Variants in MTA2 observed in about 807,000 individuals in gnomAD.
MTA2 encodes the protein metastasis-associated protein MTA2.
MTA2 carries 22 observed loss-of-function variants against 87.1 expected under a neutral mutation model. The observed-to-expected ratio is 0.25, with a 90% CI of 0.18 to 0.36. MTA2 has a LOEUF of 0.36. MTA2 is among the 10% of genes least tolerant of loss of function. The pLI, the probability that MTA2 is intolerant of heterozygous loss-of-function variation, is 1.00. For missense variants in MTA2, 542 were observed against 853.2 expected (o/e 0.64, Z 4.54); for synonymous variants, 314 against 310.1 (o/e 1.01, Z -0.13).
Position 62,595,512 on chromosome 11 carries a change from A to G in MTA2, c.1255-20T>C, listed in dbSNP as rs1484216106. On this transcript the variant is annotated intron_variant, in intron 13 of 17. Transcript: ENST00000278823. The surrounding 1 kb of genome is among the most constrained non-coding windows in gnomAD (Gnocchi z 4.9). ...TGGCTCCTAGAAGAAGAGCATAGGA[A>G]AGAGAGAGAGCAGAAATCAGCACTG... 2.1e-5 allele frequency: 34 copies of G among 1,612,464 alleles called. No individual in the cohort carries two copies. The highest frequency in any genetic ancestry group is 1.0e-4 in the Admixed American group (6 of 59,932).
In MTA2 at chr11:62,600,642, G is replaced by A. The variant is rs145027661; in HGVS notation, c.76C>T (p.Arg26Trp). 1.2e-6 allele frequency: 2 copies of A among 1,613,996 alleles called. No individual in the cohort carries two copies. Among genetic ancestry groups the A allele is most frequent in the African/African-American group, 1.3e-5 (1 of 75,040 alleles). The change falls in exon 2 of 18, where the codon CGG (arginine) becomes TGG (tryptophan). Residue 26 changes from arginine to tryptophan, a missense_variant. Coordinates refer to ENST00000278823, the MANE Select transcript of MTA2 (RefSeq NM_004739.4). The part of the protein sequence containing the change: ...NSSSNPYLVR[R>W]IEELNKTANG... The stretch of plus-strand genomic sequence containing the variant: ...CTCACCTTGTTGAGCTCCTCAATCC[G>A]TCTAACCAGGTAAGGATTGCTGGAA...
intron 16 of MTA2, 48 bp from the exon 17 acceptor site, chr11:62,594,455 C>T (rs1739663196): frequency 1.2e-6 from 2 of 1,613,320 alleles, no homozygotes; most frequent in South Asian, 1.1e-5. Flanking sequence ...CCCTCTCAGA[C>T]TCCTATGAGA....
chr11:62,595,079 C>T lies in MTA2; in HGVS notation c.1484-9G>A. The T allele has an allele frequency of 6.2e-7, 1 of 1,613,574 alleles. No homozygotes were observed. Among genetic ancestry groups the T allele is most frequent in the Non-Finnish European group, 8.5e-7 (1 of 1,179,722 alleles). On this transcript the variant is annotated splice_polypyrimidine_tract_variant and intron_variant, in intron 14 of 17. Transcript: ENST00000278823. The surrounding 1 kb of genome is among the most constrained non-coding windows in gnomAD (Gnocchi z 4.9). ...AGGAAGTCGAATGGAGCCTGGAGAA[C>T]AAAGAAGAAAGCTTCTGAAGGGCTT...
Position 62,595,015 on chromosome 11 carries a change from C to A in MTA2, c.1539G>T (p.Val513=). 6.2e-7 allele frequency: 1 copy of A among 1,614,120 alleles called. No individual in the cohort carries two copies. The highest frequency in any genetic ancestry group is 8.5e-7 in the Non-Finnish European group (1 of 1,180,016). The change falls in exon 15 of 18, where the codon GTG becomes GTT. Residue 513 remains valine, a synonymous_variant. Transcript: ENST00000278823. The surrounding 1 kb of genome is among the most constrained non-coding windows in gnomAD (Gnocchi z 4.9). ...TGACGATAGTTGCCAGGGGCAGCCG[C>A]ACCAGAGGGTGAATCTTCAATGGAG... The part of the protein sequence containing the change: ...AKTPLKIHPL[V]RLPLATIVKD...
chr11:62,600,773 C>T, intron 1 of MTA2, 84 bp from the exon 2 acceptor site: 1 of 1,211,320 alleles, frequency 8.3e-7, no homozygotes, highest in Non-Finnish European at 1.2e-6. Context: ...GAAAGTTGGC[C>T]TGAGTGGATC....
Position 62,595,567 on chromosome 11 carries a change from G to A in MTA2, c.1255-75C>T, listed in dbSNP as rs1420792552. On this transcript the variant is annotated intron_variant, in intron 13 of 17. Transcript: ENST00000278823. This position sits in a 1 kb window ranked among gnomAD's most constrained non-coding sequence, Gnocchi z 4.9. ...TCCCTTCTTTCTTCCATTCCCTGCA[G>A]GGGACAATTTATTCCTGTCTAATCT... 5.1e-6 allele frequency: 8 copies of A among 1,558,554 alleles called. No individual in the cohort carries two copies. In the East Asian group the frequency reaches 9.0e-5, roughly 17 times the overall value.
intron 1 of MTA2, 29 bp downstream of exon 1, chr11:62,601,394 G>C (rs1409350591): frequency 6.2e-7 from 1 of 1,608,716 alleles, no homozygotes; most frequent in Admixed American, 1.7e-5. Flanking sequence ...TCCCGCCCCG[G>C]GCCCCGTATC....
At position 62,601,713 on chromosome 11, in the gene MTA2, T is replaced by C. The variant is rs1590734612; in HGVS notation, c.-263A>G. The C allele has an allele frequency of 7.6e-6, 4 of 525,218 alleles. No homozygotes were observed. The East Asian group carries it at 1.0e-4, about 14-fold the overall frequency. The allele number at this position is 525,218 out of a possible 1,614,324, so 32.5% of individuals were successfully genotyped here. A position where few individuals can be genotyped will look rare whatever the true frequency, so the allele number is the denominator to read the frequency against. On this transcript the variant is annotated 5_prime_UTR_variant, in exon 1 of 18. Transcript: ENST00000278823. ...CTTCTTCCGGAACGAGCTCGGCTCC[T>C]GCCAGGCCAGAGCCAGGCTCCAGCT...
chr11:62,598,573 C>T lies in MTA2; in HGVS notation c.257G>A (p.Arg86Gln), dbSNP rs1942130665. Reference sequence around the variant, plus strand: ...AAATTGCCGAGAAAGAAAAAGTTCCCGGTGCTTCAGTTGATGGCGCTGCTG... The same window carrying T: ...AAATTGCCGAGAAAGAAAAAGTTCCTGGTGCTTCAGTTGATGGCGCTGCTG... ...SEQQRHQLKH[R>Q]ELFLSRQFES... The change falls in exon 4 of 18, where the codon CGG becomes CAG. Residue 86 changes from arginine to glutamine, a missense_variant. This residue lies in a region of MTA2 where 150 missense variants were observed against 243.9 expected (regional missense o/e 0.62). Transcript: ENST00000278823. 6.2e-7 allele frequency: 1 copy of T among 1,614,024 alleles called. No homozygotes were observed. Among genetic ancestry groups the T allele is most frequent in the Admixed American group, 1.7e-5 (1 of 59,994 alleles).
Position 62,594,245 on chromosome 11 carries a change from G to A in MTA2, c.1841+14C>T, listed in dbSNP as rs375766937. ...GACTGTCCCTCTCAGCCCCTCCCAT[G>A]GTAGACGCCTTACCTGGTATCCTTT... On this transcript the variant is annotated intron_variant, in intron 17 of 17. Transcript: ENST00000278823. 31 of 1,613,894 alleles carry A rather than the reference G, an allele frequency of 1.9e-5. No individual in the cohort carries two copies. The highest frequency in any genetic ancestry group is 2.5e-5 in the Non-Finnish European group (29 of 1,179,976).
rs1313010335 is a variant in MTA2, at chr11:62,595,603, C to T, written c.1255-111G>A. On this transcript the variant is annotated intron_variant, in intron 13 of 17. Transcript: ENST00000278823. This position sits in a 1 kb window ranked among gnomAD's most constrained non-coding sequence, Gnocchi z 4.9. ...ATTCCTGTCTAATCTCTTTACTGAC[C>T]TCTTGGCCTATGTGTCTCCCCAACC... 3.3e-6 allele frequency: 5 copies of T among 1,511,052 alleles called. No individual in the cohort carries two copies. The highest frequency in any genetic ancestry group is 1.4e-5 in the African/African-American group (1 of 72,298). The allele number at this position is 1,511,052 out of a possible 1,614,324, so 93.6% of individuals were successfully genotyped here. A position where few individuals can be genotyped will look rare whatever the true frequency, so the allele number is the denominator to read the frequency against.
At position 62,598,604 on chromosome 11, in the gene MTA2, A is replaced by G; in HGVS notation, c.226T>C (p.Ser76Pro). ...FEEESKQPGV[S>P]EQQRHQLKHR... ...TTCAGTTGATGGCGCTGCTGCTCAG[A>G]CACCCCTGGCTGCTTTGATTCCTCT... is the stretch of plus-strand genomic sequence containing the variant. Residue 76 changes from serine (S) to proline (P), a missense_variant, in exon 4 of 18, where the codon TCT (serine) becomes CCT (proline). Ser to Pro is a moderately conservative substitution (Grantham distance 74, BLOSUM62 -1). This residue lies in a region of MTA2 where 150 missense variants were observed against 243.9 expected (regional missense o/e 0.62). Transcript: ENST00000278823. 2.5e-6 allele frequency: 4 copies of G among 1,614,082 alleles called. No individual in the cohort carries two copies. Among genetic ancestry groups the G allele is most frequent in the Non-Finnish European group, 3.4e-6 (4 of 1,180,016 alleles).
rs1325902667 is a variant in MTA2 at position 62,601,745 on chromosome 11, G to C, written c.-295C>G. On this transcript the variant is annotated 5_prime_UTR_variant, in exon 1 of 18. Coordinates refer to ENST00000278823, the MANE Select transcript of MTA2 (RefSeq NM_004739.4). ...CCAGAGCCAGGCTCCAGCTACCCCC[G>C]CCCCCGCGGAGTCCCACTAGTCGTT... The C allele has an allele frequency of 1.9e-6, 1 of 514,116 alleles. No homozygotes were observed. Among genetic ancestry groups the C allele is most frequent in the East Asian group, 3.5e-5 (1 of 28,526 alleles). 31.8% of individuals were successfully genotyped at this position (514,116 alleles called of 1,614,324 possible). A position where few individuals can be genotyped will look rare whatever the true frequency, so the allele number is the denominator to read the frequency against.
Position 62,593,825 on chromosome 11 carries a change from C to G in MTA2, c.*50G>C, listed in dbSNP as rs763818789. ...GAAAGGGAAGGGAGGTTTGGGTGCC[C>G]TGGGCATCCACCCTCTACCTCTCAG... is the stretch of plus-strand genomic sequence containing the variant. On this transcript the variant is annotated 3_prime_UTR_variant, in exon 18 of 18. Transcript: ENST00000278823. 1.2e-5 allele frequency: 19 copies of G among 1,607,880 alleles called. No individual in the cohort carries two copies. The African/African-American group carries it at 2.3e-4, about 19-fold the overall frequency.
chr11:62,597,016 C>T (rs1303625123), intron 8 of MTA2, among the ~76,000 whole-genome samples, 191 bp from the exon 9 acceptor site: 3 of 152,018 alleles, frequency 2.0e-5, no homozygotes, highest in African/African-American at 7.2e-5. Flanking sequence ...GGTGAAACCC[C>T]GTCTCTACTA....
At chr11:62,600,896 T>C (rs1942178486) in intron 1 of MTA2, 1 of 559,286 alleles carries the variant, frequency 1.8e-6, no homozygotes, top group Non-Finnish European at 3.2e-6. Context: ...AATTAGATCC[T>C]TTACTCAAAA....
Position 62,595,062 on chromosome 11 carries a change from G to T in MTA2, c.1492C>A (p.Arg498=). The T allele has an allele frequency of 6.2e-7, 1 of 1,614,084 alleles. No homozygotes were observed. The highest frequency in any genetic ancestry group is 8.5e-7 in the Non-Finnish European group (1 of 1,180,006). ...ANAIKAECSI[R]LPKAAKTPLK... is the part of the protein sequence containing the mutation. ...GGAGTCTTGGCGGCCTTAGGAAGTC[G>T]AATGGAGCCTGGAGAACAAAGAAGA... Residue 498 remains arginine (R), a synonymous_variant, in exon 15 of 18, where the codon CGA becomes AGA. Coordinates refer to ENST00000278823, the MANE Select transcript of MTA2 (RefSeq NM_004739.4). This position sits in a 1 kb window ranked among gnomAD's most constrained non-coding sequence, Gnocchi z 4.9.
Position 62,594,418 on chromosome 11 carries a change from G to A in MTA2, c.1693-11C>T. The A allele has an allele frequency of 1.2e-6, 2 of 1,614,058 alleles. No homozygotes were observed. Among genetic ancestry groups the A allele is most frequent in the Non-Finnish European group, 1.7e-6 (2 of 1,179,992 alleles). On this transcript the variant is annotated splice_polypyrimidine_tract_variant and intron_variant, in intron 16 of 17. Transcript: ENST00000278823. ...CCCTGCCCCTGCCATCTGGAAAAGGGGTAGGATGGCACAATGAGGGAAGGG... is the reference window on the plus strand; with the variant it reads ...CCCTGCCCCTGCCATCTGGAAAAGGAGTAGGATGGCACAATGAGGGAAGGG...
At chr11:62,601,105 A>G in intron 1 of MTA2, 1 of 492,912 alleles carries the variant, frequency 2.0e-6, no homozygotes. Flanking sequence ...CCGTCGCCCC[A>G]GCCCCTCGCG....
Sources: gnomAD v4.1 joint callset for allele counts (sites outside exome capture counted in the v4.1 genomes callset) on GRCh38, gnomAD v4.1.1 for gene constraint, gnomAD v4.1.1 regional missense constraint, Gnocchi (gnomAD v3.1) non-coding constraint, MANE v1.5 for transcripts, NCBI Gene and HGNC (gene_info 2026-07-23, HGNC 2026-07-21) for gene names.